Variants in DOCK8 observed in about 807,000 individuals in gnomAD.
DOCK8 encodes the protein dedicator of cytokinesis protein 8.
A neutral mutation model predicts 245.6 loss-of-function variants in DOCK8; 141 were observed. That is an observed-to-expected ratio of 0.57 (90% confidence interval 0.50 to 0.66). The LOEUF is 0.66. Ranked by LOEUF, DOCK8 falls within the 30% of genes least tolerant of loss-of-function variation. DOCK8 has a pLI of 0.00. For missense variants in DOCK8, 2,965 were observed against 2,603.4 expected (o/e 1.14, Z -3.02); for synonymous variants, 1,168 against 970.2 (o/e 1.20, Z -3.79).
chr9:368,055 G>A lies in DOCK8; in HGVS notation c.1717G>A (p.Val573Ile). 1 of 1,614,118 alleles carries A rather than the reference G, an allele frequency of 6.2e-7. No homozygotes were observed. Among genetic ancestry groups the A allele is most frequent in the East Asian group, 2.2e-5 (1 of 44,866 alleles). The change falls in exon 15 of 48, where the codon GTA (valine) becomes ATA (isoleucine). Residue 573 changes from valine to isoleucine, a missense_variant. This residue lies in a region of DOCK8 where 2,825 missense variants were observed against 2,453.5 expected (regional missense o/e 1.15). Transcript: ENST00000432829. The stretch of plus-strand genomic sequence containing the variant: ...TGTCTACCCACAGAGGCTGAACTTT[G>A]TAAACAAACTAGCATCAGCCCGGAA... The part of the protein sequence containing the change: ...LYVYPQRLNF[V>I]NKLASARNIT...
Position 396,979 on chromosome 9 carries a change from C to T in DOCK8, c.3120+45C>T, listed in dbSNP as rs563113548. 20 of 1,564,180 alleles carry T rather than the reference C, an allele frequency of 1.3e-5. No homozygotes were observed. In the East Asian group the frequency reaches 1.3e-4, roughly 11 times the overall value. On this transcript the variant is annotated intron_variant, in intron 25 of 47. Transcript: ENST00000432829. ...TATTTTCTAAATTGTTTACCTGGAA[C>T]ATATATTACTTTCATAATCAGAGAA...
At chr9:458,583 G>A (rs2057711872) in intron 46 of DOCK8, among the ~76,000 whole-genome samples, 1 of 152,200 alleles carries the variant, frequency 6.6e-6, no homozygotes, top group Admixed American at 6.5e-5. Flanking sequence ...GCTGAGGTGG[G>A]CGGATCACTT....
chr9:279,817 C>A (rs913377777), intron 2 of DOCK8, among the ~76,000 whole-genome samples: 14 of 152,206 alleles, frequency 9.2e-5, no homozygotes, highest in African/African-American at 3.4e-4. Flanking sequence ...AGACATCATG[C>A]CTCTTCCCCG....
At chr9:353,423 G>T (rs936887666) in intron 14 of DOCK8, among the ~76,000 whole-genome samples, 51 of 152,308 alleles carry the variant, frequency 3.3e-4, no homozygotes, top group African/African-American at 1.2e-3. Flanking sequence ...GATTATTGAT[G>T]TATTCATTGG....
chr9:341,864 A>G (rs1039296034), intron 14 of DOCK8, among the ~76,000 whole-genome samples: 2 of 152,164 alleles, frequency 1.3e-5, no homozygotes, highest in South Asian at 4.1e-4. Context: ...CTGTCAGATC[A>G]GCAGTGACAT....
At chr9:307,879 C>T (rs116187317) in intron 5 of DOCK8, among the ~76,000 whole-genome samples, 1,658 of 152,178 alleles carry the variant, frequency 0.011, 30 homozygotes, top group African/African-American at 0.038. Context: ...GAATACTATT[C>T]AGCCATAAAA....
chr9:323,939 C>G (rs1446748611), intron 7 of DOCK8, among the ~76,000 whole-genome samples: 1 of 152,196 alleles, frequency 6.6e-6, no homozygotes, highest in Non-Finnish European at 1.5e-5. Flanking sequence ...GTTACTTCCA[C>G]CTTTTGGCTA....
In DOCK8 at chr9:441,324, G is replaced by A. The variant is rs1400900870; in HGVS notation, c.5262G>A (p.Leu1754=). Residue 1754 remains leucine, a synonymous_variant, in exon 41 of 48, where the codon CTG becomes CTA. Transcript: ENST00000432829. ...AGACAGTTAATGAGGTCTACAAGCTGGTCATCCCCATCCTAGAAGCGCATC... is the reference window on the plus strand; with the variant it reads ...AGACAGTTAATGAGGTCTACAAGCTAGTCATCCCCATCCTAGAAGCGCATC... ...LYETVNEVYK[L]VIPILEAHRE... is the part of the protein sequence containing the mutation. 3 of 1,614,082 alleles carry A rather than the reference G, an allele frequency of 1.9e-6. No homozygotes were observed. Among genetic ancestry groups the A allele is most frequent in the Non-Finnish European group, 2.5e-6 (3 of 1,180,042 alleles).
At chr9:400,013 T>TCTTCAC (rs1554691498) in intron 26 of DOCK8, among the ~76,000 whole-genome samples, 4 of 45,724 alleles carry the variant, frequency 8.7e-5, no homozygotes, top group Admixed American at 2.6e-4. Flanking sequence ...ACCTCCACCA[T>TCTTCAC]CACCACCACC....
At position 400,006 on chromosome 9, in the gene DOCK8, TCCACCATCACCACCACCTC is replaced by T. The variant is rs1564011396; in HGVS notation, c.3234+749_3234+767del. On this transcript the variant is annotated intron_variant, in intron 26 of 47. Transcript: ENST00000432829. ...ACCACCTCCCACCACCTCCACCACC[TCCACCATCACCACCACCTC>T]CACCATCACCACCACCACCTCCACC... Among the ~76,000 whole-genome samples, 319 of 80,446 alleles carry T rather than the reference TCCACCATCACCACCACCTC, an allele frequency of 4.0e-3. 6 individuals are homozygous for T. The highest frequency in any genetic ancestry group is 0.019 in the African/African-American group (303 of 16,196). 52.8% of individuals were successfully genotyped at this position (80,446 alleles called of 152,430 possible). A position where few individuals can be genotyped will look rare whatever the true frequency, so the allele number is the denominator to read the frequency against.
At chr9:308,578 A>G (rs1430517596) in intron 5 of DOCK8, among the ~76,000 whole-genome samples, 1 of 152,254 alleles carries the variant, frequency 6.6e-6, no homozygotes, top group East Asian at 1.9e-4. Context: ...TAAAAATTAG[A>G]TTATATTATG....
chr9:344,111 GTGCCAAGGACACCCCGTTAGAAA>G (rs1360220328), intron 14 of DOCK8, among the ~76,000 whole-genome samples: 60 of 152,300 alleles, frequency 3.9e-4, no homozygotes, highest in African/African-American at 1.4e-3. Flanking sequence ...CACTGTAGAA[GTGCCAAGGACACCCCGTTAGAAA>G]TGCCAAGGCC....
intron 14 of DOCK8, among the ~76,000 whole-genome samples, chr9:344,654 T>G (rs924324344): frequency 6.6e-6 from 1 of 152,188 alleles, no homozygotes; most frequent in African/African-American, 2.4e-5. Context: ...TTTTCTATAC[T>G]GGCCCCCAAA....
At position 428,866 on chromosome 9, in the gene DOCK8, T is replaced by C. The variant is rs548629501; in HGVS notation, c.4473+370T>C. ...TGTGACGCCCATTAGTCTTACAAAATGTCATGCCATAAAATGCCAGGAAGG... is the reference window on the plus strand; with the variant it reads ...TGTGACGCCCATTAGTCTTACAAAACGTCATGCCATAAAATGCCAGGAAGG... On this transcript the variant is annotated intron_variant, in intron 35 of 47. Transcript: ENST00000432829. 2.0e-5 allele frequency among the ~76,000 whole-genome samples: 3 copies of C among 152,354 alleles called. No individual in the cohort carries two copies. The South Asian group carries it at 6.2e-4, about 32-fold the overall frequency.
intron 6 of DOCK8, among the ~76,000 whole-genome samples, chr9:313,424 T>C (rs1165517810): frequency 2.0e-5 from 3 of 152,246 alleles, no homozygotes; most frequent in East Asian, 1.9e-4. Context: ...TCTTTTCTTA[T>C]CCTGATTTTC....
At chr9:211,482 T>C (rs1010894568), upstream of DOCK8, among the ~76,000 whole-genome samples, 1 of 152,026 alleles carries the variant, frequency 6.6e-6, no homozygotes, top group Non-Finnish European at 1.5e-5. Flanking sequence ...ACAGATGAGA[T>C]AGGAGAAAGA....
chr9:282,258 T>C (rs926687518), intron 2 of DOCK8, among the ~76,000 whole-genome samples: 41 of 152,262 alleles, frequency 2.7e-4, no homozygotes, highest in Non-Finnish European at 5.9e-5. Context: ...ACCCAGTAGA[T>C]GCTCAGAACA....
chr9:450,420 T>C (rs10814967), intron 45 of DOCK8, among the ~76,000 whole-genome samples: 92,298 of 151,934 alleles, frequency 0.61, 30,476 homozygotes, highest in East Asian at 0.99. Context: ...CCTGACTTCT[T>C]AGGCTACTTC....
At chr9:462,402 G>C (rs1359193665) in intron 46 of DOCK8, among the ~76,000 whole-genome samples, 2 of 152,204 alleles carry the variant, frequency 1.3e-5, no homozygotes, top group Non-Finnish European at 2.9e-5. Flanking sequence ...GCCCTAAGCT[G>C]ATAGCAAGTT....
Sources: allele counts gnomAD v4.1 joint callset (sites outside exome capture counted in the v4.1 genomes callset), GRCh38; gene constraint gnomAD v4.1.1; regional missense constraint gnomAD v4.1.1; transcripts MANE v1.5; gene names NCBI Gene and HGNC (gene_info 2026-07-23, HGNC 2026-07-21).